SHANK2: variants seen among roughly 807,000 people sequenced by gnomAD.
SHANK2 encodes SH3 and multiple ankyrin repeat domains protein 2.
In SHANK2, 43 loss-of-function variants were observed where a neutral mutation model predicts 133.7. The observed-to-expected ratio is 0.32, with a 90% confidence interval of 0.25 to 0.41. The LOEUF (loss-of-function observed/expected upper bound fraction) is 0.41. SHANK2 is among the 10% of genes least tolerant of loss of function. SHANK2 has a pLI of 1.00. For synonymous variants in SHANK2, 1,017 were observed against 952.8 expected, an observed-to-expected ratio of 1.07 and a Z score of -1.24; for missense variants, 1,994 against 2,235.8, an observed-to-expected ratio of 0.89 and a Z score of 2.18.
intron 11 of SHANK2, among the ~76,000 whole-genome samples, chr11:70,843,346 G>GGGTGGGC (rs1948944398): frequency 6.6e-6 from 1 of 151,784 alleles, no homozygotes; most frequent in African/African-American, 2.4e-5. Flanking sequence ...GGTGGGCTTG[G>GGGTGGGC]TGGGCCCCAG....
intron 2 of SHANK2, among the ~76,000 whole-genome samples, chr11:71,182,143 C>T (rs1178325736): frequency 1.4e-5 from 2 of 143,434 alleles, no homozygotes; most frequent in Admixed American, 1.4e-4. Context: ...CTTCTTTAGG[C>T]AAAAAAAAAA....
At chr11:70,873,739 C>G (rs1417689502) in intron 11 of SHANK2, among the ~76,000 whole-genome samples, 3 of 149,444 alleles carry the variant, frequency 2.0e-5, no homozygotes, top group Admixed American at 6.6e-5. Flanking sequence ...CCTCCATTTA[C>G]CATTTTTTTT....
At chr11:71,120,461 C>G (rs1555101257) in intron 3 of SHANK2, among the ~76,000 whole-genome samples, 1 of 152,114 alleles carries the variant, frequency 6.6e-6, no homozygotes, top group African/African-American at 2.4e-5. Context: ...CAAGACAGCC[C>G]GAGGGTAAGT....
chr11:70,593,038 A>G (rs895032031), intron 17 of SHANK2, among the ~76,000 whole-genome samples: 5 of 152,188 alleles, frequency 3.3e-5, no homozygotes, highest in South Asian at 2.1e-4. Flanking sequence ...CTGGCCTCGC[A>G]TGAAAAACTT....
At position 70,480,662 on chromosome 11, in the gene SHANK2, C is replaced by CCTAA. The variant is rs1292260892; in HGVS notation, c.4979+4648_4979+4651dup. Reference sequence around the variant, plus strand: ...TGGCACCTGGCACATAAAGGCAATCCCTAACTTTGTTGAGTGAATGATTAG... The same window carrying CCTAA: ...TGGCACCTGGCACATAAAGGCAATCCCTAACTAACTTTGTTGAGTGAATGATTAG... On this transcript the variant is annotated intron_variant, in intron 25 of 25. Coordinates refer to ENST00000601538, the MANE Select transcript of SHANK2 (RefSeq NM_012309.5). Among the ~76,000 whole-genome samples the CCTAA allele has an allele frequency of 3.3e-5, 5 of 152,298 alleles. No homozygotes were observed. The East Asian group carries it at 9.6e-4, about 29-fold the overall frequency.
At chr11:70,575,249 C>T (rs531650004) in intron 17 of SHANK2, among the ~76,000 whole-genome samples, 43 of 152,272 alleles carry the variant, frequency 2.8e-4, no homozygotes, top group African/African-American at 8.9e-4. Flanking sequence ...TGGTAGTTCA[C>T]GCCTGTAATC....
At chr11:70,683,431 G>A (rs55766370) in intron 15 of SHANK2, among the ~76,000 whole-genome samples, 3 of 152,158 alleles carry the variant, frequency 2.0e-5, no homozygotes, top group African/African-American at 4.8e-5. Context: ...GGAACTTGCC[G>A]CCTTCTACCG....
chr11:71,088,094 G>A (rs1951443132), intron 8 of SHANK2, among the ~76,000 whole-genome samples: 2 of 152,140 alleles, frequency 1.3e-5, no homozygotes, highest in African/African-American at 4.8e-5. Flanking sequence ...TCTCCATAAT[G>A]TGGGTGGGCC....
intron 17 of SHANK2, among the ~76,000 whole-genome samples, chr11:70,534,703 G>A (rs1055457299): frequency 6.6e-6 from 1 of 152,336 alleles, no homozygotes; most frequent in East Asian, 1.9e-4. Flanking sequence ...CAAACTGGTG[G>A]CTTCACTCTA....
At chr11:70,634,139 T>C (rs1328723994) in intron 17 of SHANK2, 1 of 151,748 alleles carries the variant, frequency 6.6e-6, no homozygotes, top group Non-Finnish European at 1.5e-5. Flanking sequence ...CTGAGATAAT[T>C]TGGGACATGT....
chr11:70,502,130 AGCCTGGT>A, intron 19 of SHANK2, 69 bp downstream of exon 19: 1 of 1,482,674 alleles, frequency 6.7e-7, no homozygotes, highest in Non-Finnish European at 9.2e-7. Context: ...GGTCATGCAC[AGCCTGGT>A]GCTTTGCAAA....
At chr11:70,853,460 C>T (rs1243368680) in intron 11 of SHANK2, among the ~76,000 whole-genome samples, 5 of 152,190 alleles carry the variant, frequency 3.3e-5, no homozygotes, top group African/African-American at 1.2e-4. Context: ...CGGACTGGTG[C>T]TCAGTTCTGG....
rs782550375 is a variant in SHANK2, at chr11:70,487,168, C to T, written c.3125G>A (p.Ser1042Asn). ...PTIIVKEPST[S>N]SSGKSSQGSS... is the part of the protein sequence containing the mutation. ...GCCCTGGCTGCTCTTGCCGCTGCTG[C>T]TGGTGGACGGCTCCTTCACGATGAT... The change falls in exon 25 of 26, where the codon AGC becomes AAC. Residue 1042 changes from serine (S) to asparagine (N), a missense_variant. This residue lies in a region of SHANK2 where 488 missense variants were observed against 642.6 expected (regional missense o/e 0.76). Coordinates refer to ENST00000601538, the MANE Select transcript of SHANK2 (RefSeq NM_012309.5). This position sits in a 1 kb window ranked among gnomAD's most constrained non-coding sequence, Gnocchi z 5.8. The T allele has an allele frequency of 1.2e-6, 2 of 1,613,268 alleles. No homozygotes were observed. The highest frequency in any genetic ancestry group is 1.3e-5 in the African/African-American group (1 of 74,948).
intron 12 of SHANK2, among the ~76,000 whole-genome samples, chr11:70,815,053 C>T (rs1297835909): frequency 3.3e-5 from 5 of 152,186 alleles, no homozygotes; most frequent in Admixed American, 6.5e-5. Context: ...TGCCAGTGGA[C>T]GCCACCAGAG....
intron 14 of SHANK2, among the ~76,000 whole-genome samples, chr11:70,775,701 G>C (rs1016682033): frequency 1.3e-5 from 2 of 152,206 alleles, no homozygotes; most frequent in African/African-American, 4.8e-5. Context: ...GGGCTACAGA[G>C]TGTCATCCAA....
chr11:70,528,943 G>A (rs1373235631), intron 17 of SHANK2, among the ~76,000 whole-genome samples: 2 of 152,118 alleles, frequency 1.3e-5, no homozygotes, highest in African/African-American at 4.8e-5. Context: ...CCCCCGTGAC[G>A]ATTTCCCCCC....
chr11:70,852,868 G>A (rs1231367450), intron 11 of SHANK2, among the ~76,000 whole-genome samples: 1 of 152,224 alleles, frequency 6.6e-6, no homozygotes, highest in Non-Finnish European at 1.5e-5. Flanking sequence ...GACCAGGATG[G>A]CTGTGCTGTT....
chr11:71,139,547 T>C (rs180803101), intron 3 of SHANK2, among the ~76,000 whole-genome samples: 3 of 152,306 alleles, frequency 2.0e-5, no homozygotes, highest in African/African-American at 4.8e-5. Flanking sequence ...AAAACCACTT[T>C]GGGCCACGGG....
chr11:71,205,598 G>A (rs905476468), intron 2 of SHANK2, among the ~76,000 whole-genome samples: 15 of 152,282 alleles, frequency 9.9e-5, no homozygotes, highest in Middle Eastern at 3.4e-3. Flanking sequence ...TGGGAAGTCC[G>A]AGTCGGCCAC....
Sources: gnomAD v4.1 joint callset for allele counts (sites outside exome capture counted in the v4.1 genomes callset) on GRCh38, gnomAD v4.1.1 for gene constraint, gnomAD v4.1.1 regional missense constraint, Gnocchi (gnomAD v3.1) non-coding constraint, MANE v1.5 for transcripts, NCBI Gene and HGNC (gene_info 2026-07-23, HGNC 2026-07-21) for gene names.